Variants in ZCCHC10 observed in about 807,000 individuals in gnomAD.
The protein encoded by ZCCHC10 is zinc finger CCHC-type containing 10.
In ZCCHC10, 16 loss-of-function variants were observed where a neutral mutation model predicts 19.5. That is an observed-to-expected ratio of 0.82 (90% CI 0.56 to 1.25). The LOEUF is 1.25. ZCCHC10 is among the 50% of genes most tolerant of loss of function. The pLI is 0.00. For missense variants in ZCCHC10, 197 were observed against 201.0 expected (o/e 0.98, Z 0.12); for synonymous variants, 67 against 72.5 (o/e 0.92, Z 0.38).
intron 2 of ZCCHC10, among the ~76,000 whole-genome samples, chr5:133,021,867 C>T (rs1204267108): frequency 6.7e-6 from 1 of 149,212 alleles, no homozygotes; most frequent in Non-Finnish European, 1.5e-5. Flanking sequence ...GATCTCGGCT[C>T]ACTGCAACCT....
intron 2 of ZCCHC10, among the ~76,000 whole-genome samples, chr5:133,007,556 A>C (rs1165578663): frequency 1.4e-4 from 20 of 139,994 alleles, no homozygotes; most frequent in East Asian, 2.2e-4. Flanking sequence ...AAAAAAAAAA[A>C]AAACAAAAAA....
intron 1 of ZCCHC10, among the ~76,000 whole-genome samples, chr5:133,026,067 G>A (rs1462846335): frequency 6.6e-6 from 1 of 152,204 alleles, no homozygotes; most frequent in Non-Finnish European, 1.5e-5. Flanking sequence ...CCTAAGGAAG[G>A]CGCTAGAATA....
rs747656878 is a variant in ZCCHC10 at position 133,006,845 on chromosome 5, T to C, written c.183A>G (p.Lys61=). 79 of 1,612,984 alleles carry C rather than the reference T, an allele frequency of 4.9e-5. No homozygotes were observed. The highest frequency in any genetic ancestry group is 4.0e-4 in the Admixed American group (24 of 59,952). The change falls in exon 3 of 5, where the codon AAA becomes AAG. Residue 61 remains lysine (K), a synonymous_variant. Coordinates refer to ENST00000509437, the MANE Select transcript of ZCCHC10 (RefSeq NM_001300816.3). ...FGHWTYECTG[K]RKYLHRPSRT... ...TTGAGGGCCTATGTAGGTATTTTCT[T>C]TTTCCTGTGCATTCATAAGTCCAAT...
chr5:133,014,250 C>A (rs549766453), intron 2 of ZCCHC10, among the ~76,000 whole-genome samples: 1 of 151,116 alleles, frequency 6.6e-6, no homozygotes, highest in East Asian at 1.9e-4. Context: ...ACCTCCGCCT[C>A]CCAGGTTCAA....
At position 133,010,775 on chromosome 5, in the gene ZCCHC10, A is replaced by G. The variant is rs558999265; in HGVS notation, c.108-3855T>C. ...CATGAATCACTGCACCCAGCCACAA[A>G]AACAGTTTAAAAGGAACTTTTTTTT... On this transcript the variant is annotated intron_variant, in intron 2 of 4. Transcript: ENST00000509437. Among the ~76,000 whole-genome samples the G allele has an allele frequency of 5.3e-5, 8 of 150,098 alleles. No individual in the cohort carries two copies. In the East Asian group the frequency reaches 1.6e-3, roughly 30 times the overall value.
chr5:133,009,105 C>G (rs1294100861), intron 2 of ZCCHC10, among the ~76,000 whole-genome samples: 1 of 151,910 alleles, frequency 6.6e-6, no homozygotes, highest in East Asian at 1.9e-4. Flanking sequence ...CAGGTTCAAG[C>G]AATTCTCCTG....
chr5:133,023,016 G>A, intron 1 of ZCCHC10, 110 bp from the exon 2 acceptor site: 2 of 398,884 alleles, frequency 5.0e-6, no homozygotes, highest in African/African-American at 2.1e-5. Flanking sequence ...TAGAAAACAA[G>A]GTTTTTTAAC....
chr5:133,023,312 A>G (rs1764449534), intron 1 of ZCCHC10, among the ~76,000 whole-genome samples: 1 of 152,146 alleles, frequency 6.6e-6, no homozygotes. Context: ...AGGTAGATGT[A>G]AGTACAGTTT....
At position 133,020,894 on chromosome 5, in the gene ZCCHC10, G is replaced by C. The variant is rs191225405; in HGVS notation, c.107+1947C>G. On this transcript the variant is annotated intron_variant, in intron 2 of 4. Transcript: ENST00000509437. ...CGCCACCATGCCCGGCTAATTTTTT[G>C]TATTTATTATTTTTTTTTTCTGAGA... 4.4e-3 allele frequency among the ~76,000 whole-genome samples: 656 copies of C among 150,460 alleles called. 3 individuals are homozygous for C. The highest frequency in any genetic ancestry group is 0.015 in the African/African-American group (625 of 40,838).
chr5:133,005,214 T>C (rs1015586126), intron 3 of ZCCHC10, among the ~76,000 whole-genome samples: 1 of 151,862 alleles, frequency 6.6e-6, no homozygotes, highest in Non-Finnish European at 1.5e-5. Flanking sequence ...CACAATCACA[T>C]GAACCTGGGA....
intron 3 of ZCCHC10, among the ~76,000 whole-genome samples, chr5:133,003,517 G>T (rs67515214): frequency 0.049 from 7,494 of 151,914 alleles, 564 homozygotes; most frequent in East Asian, 0.29. Context: ...ATAAATAACT[G>T]AAAGTTGAAA....
chr5:133,026,445 G>C (rs1764722179), intron 1 of ZCCHC10, 52 bp downstream of exon 1: 2 of 1,605,128 alleles, frequency 1.2e-6, no homozygotes, highest in Non-Finnish European at 1.7e-6. Flanking sequence ...CCGTTGACGC[G>C]CGTTTCCCCG....
chr5:133,003,532 A>G (rs1008312961), intron 3 of ZCCHC10, among the ~76,000 whole-genome samples: 1 of 152,068 alleles, frequency 6.6e-6, no homozygotes, highest in African/African-American at 2.4e-5. Flanking sequence ...TTGAAAAAAA[A>G]CCCAAAAAAC....
intron 2 of ZCCHC10, among the ~76,000 whole-genome samples, chr5:133,020,432 A>G (rs1291291454): frequency 1.3e-5 from 2 of 152,110 alleles, no homozygotes; most frequent in Non-Finnish European, 2.9e-5. Context: ...CCACAGAGCA[A>G]GACTCTGTCT....
At position 133,019,048 on chromosome 5, in the gene ZCCHC10, T is replaced by A. The variant is rs756115695; in HGVS notation, c.107+3793A>T. ...ATCCACCAGACATTCTGGAGTTTGT[T>A]TTTTATTGTTATAAATACGACATTC... is the stretch of plus-strand genomic sequence containing the variant. On this transcript the variant is annotated intron_variant, in intron 2 of 4. Coordinates refer to ENST00000509437, the MANE Select transcript of ZCCHC10 (RefSeq NM_001300816.3). 7 of 450,282 alleles carry A rather than the reference T, an allele frequency of 1.6e-5. 1 individual carries two copies. The highest frequency in any genetic ancestry group is 1.1e-4 in the South Asian group (7 of 63,726). The allele number at this position is 450,282 out of a possible 1,614,324, so 27.9% of individuals were successfully genotyped here. A position where few individuals can be genotyped will look rare whatever the true frequency, so the allele number is the denominator to read the frequency against.
intron 2 of ZCCHC10, among the ~76,000 whole-genome samples, chr5:133,008,224 CA>C (rs1226503517): frequency 0.4 from 27,655 of 68,778 alleles, 3,320 homozygotes; most frequent in African/African-American, 0.54. Flanking sequence ...GACTCTGTCT[CA>C]AAAAAAAAAA....
At chr5:133,007,596 CTCTT>C (rs1419570223) in intron 2 of ZCCHC10, among the ~76,000 whole-genome samples, 1 of 151,602 alleles carries the variant, frequency 6.6e-6, no homozygotes, top group Admixed American at 6.6e-5. Flanking sequence ...CAGTCTCTCT[CTCTT>C]TTCTTGCTGC....
intron 2 of ZCCHC10, among the ~76,000 whole-genome samples, chr5:133,014,890 A>G (rs990112578): frequency 1.3e-5 from 2 of 152,208 alleles, no homozygotes; most frequent in African/African-American, 4.8e-5. Flanking sequence ...ATCATAGTCC[A>G]TCTTAGAGGC....
chr5:133,016,430 A>G (rs1763923309), intron 2 of ZCCHC10, among the ~76,000 whole-genome samples: 1 of 152,028 alleles, frequency 6.6e-6, no homozygotes, highest in Non-Finnish European at 1.5e-5. Context: ...AGAAGCAATT[A>G]TTATTTATTT....
Sources: gnomAD v4.1 joint callset for allele counts (sites outside exome capture counted in the v4.1 genomes callset) on GRCh38, gnomAD v4.1.1 for gene constraint, MANE v1.5 for transcripts, NCBI Gene and HGNC (gene_info 2026-07-23, HGNC 2026-07-21) for gene names.